The following SLC10A1 variants were observed in gnomAD, a reference collection of about 807,000 sequenced individuals.
SLC10A1 encodes solute carrier family 10 member 1, also known as hepatic sodium/bile acid cotransporter.
Under a neutral mutation model 20.5 loss-of-function variants are expected in SLC10A1, and 36 were observed. The ratio of observed to expected loss-of-function variants is 1.75; its 90% CI spans 1.34 to 2.32. The LOEUF is 2.32. Among genes scored for constraint, SLC10A1 ranks in the 30% most tolerant of loss-of-function variants. SLC10A1 has a pLI of 0.00. For missense variants in SLC10A1, 545 were observed against 439.1 expected, an observed-to-expected ratio of 1.24 and a Z score of -2.16; for synonymous variants, 188 against 163.6, an observed-to-expected ratio of 1.15 and a Z score of -1.14.
intron 1 of SLC10A1, among the ~76,000 whole-genome samples, chr14:69,795,111 C>G (rs1252941674): frequency 6.6e-6 from 1 of 152,238 alleles, no homozygotes; most frequent in African/African-American, 2.4e-5. Flanking sequence ...ATTCTTGGGA[C>G]ACACAGGCTG....
At chr14:69,784,751 G>T (rs544432171) in intron 2 of SLC10A1, among the ~76,000 whole-genome samples, 1 of 144,118 alleles carries the variant, frequency 6.9e-6, no homozygotes, top group Non-Finnish European at 1.5e-5. Flanking sequence ...CTGGGCCAGG[G>T]GCATAATCAA....
chr14:69,786,352 A>C, intron 1 of SLC10A1, 45 bp from the exon 2 acceptor site: 1 of 1,529,540 alleles, frequency 6.5e-7, no homozygotes, highest in Non-Finnish European at 9.1e-7. Flanking sequence ...GAGCCCATAA[A>C]TACAGACTAT....
intron 2 of SLC10A1, among the ~76,000 whole-genome samples, chr14:69,782,071 T>C (rs1883605232): frequency 6.6e-6 from 1 of 152,196 alleles, no homozygotes; most frequent in Non-Finnish European, 1.5e-5. Flanking sequence ...CGAAGAGCCA[T>C]AGAAGCAAGG....
rs200122790 is a variant in SLC10A1 at position 69,797,094 on chromosome 14, C to G, written c.62G>C (p.Arg21Pro). 6.2e-7 allele frequency: 1 copy of G among 1,614,022 alleles called. No individual in the cohort carries two copies. Among genetic ancestry groups the G allele is most frequent in the South Asian group, 1.1e-5 (1 of 91,068 alleles). Residue 21 changes from arginine to proline, a missense_variant, in exon 1 of 5, where the codon CGC becomes CCC. Physicochemically the swap from Arg to Pro is moderately radical, Grantham distance 103. Transcript: ENST00000216540. ...NFTLPPNFGKRPTDLALSVIL... is the reference protein window; with the variant it reads ...NFTLPPNFGKPPTDLALSVIL... ...GACGCTCAGTGCCAGGTCTGTGGGG[C>G]GCTTGCCAAAGTTGGGTGGCAGGGT...
Position 69,779,181 on chromosome 14 carries a change from C to A in SLC10A1, c.746+1G>T, listed in dbSNP as rs201749991. On this transcript the variant is annotated splice_donor_variant, in intron 3 of 4. Transcript: ENST00000216540. LOFTEE classifies it high-confidence loss of function. ...TTCTTAAAAAAAAAAAAAATACCTA[C>A]CGTCCATTGAGGCAGAAGAGAGCAG... 3 of 1,580,286 alleles carry A rather than the reference C, an allele frequency of 1.9e-6. No individual in the cohort carries two copies. Among genetic ancestry groups the A allele is most frequent in the Non-Finnish European group, 8.6e-7 (1 of 1,167,110 alleles).
At chr14:69,782,682 C>G (rs947205805) in intron 2 of SLC10A1, among the ~76,000 whole-genome samples, 3 of 152,036 alleles carry the variant, frequency 2.0e-5, no homozygotes, top group Admixed American at 6.6e-5. Context: ...GTGGCGGGCG[C>G]CTGTAGTCCC....
intron 1 of SLC10A1, among the ~76,000 whole-genome samples, chr14:69,786,603 A>G (rs1037480860): frequency 6.6e-6 from 1 of 152,170 alleles, no homozygotes; most frequent in African/African-American, 2.4e-5. Context: ...GGAAGGAGCC[A>G]TTCTGATCTC....
chr14:69,793,307 CT>C (rs914931743), intron 1 of SLC10A1, among the ~76,000 whole-genome samples: 2 of 152,164 alleles, frequency 1.3e-5, no homozygotes, highest in Non-Finnish European at 2.9e-5. Flanking sequence ...GCATCCGTGA[CT>C]GTTGTGATCC....
At chr14:69,785,687 T>C in intron 2 of SLC10A1, among the ~76,000 whole-genome samples, 1 of 145,662 alleles carries the variant, frequency 6.9e-6, no homozygotes, top group East Asian at 2.2e-4. Flanking sequence ...ACCCCTGCCC[T>C]CCCTGGTTCA....
At chr14:69,789,258 A>G (rs1431302674) in intron 1 of SLC10A1, among the ~76,000 whole-genome samples, 3 of 152,260 alleles carry the variant, frequency 2.0e-5, no homozygotes, top group African/African-American at 7.2e-5. Flanking sequence ...CTTGCCTGTG[A>G]GCTTCCATAG....
rs562659565 is a variant in SLC10A1, at chr14:69,782,920, G to GT, written c.567+3176_567+3177insA. Reference sequence around the variant, plus strand: ...CATGTTCTCACATCAGTTGTCATTAGCACTATGACTTGGTATTCTGTTTCC... The same window carrying GT: ...CATGTTCTCACATCAGTTGTCATTAGTCACTATGACTTGGTATTCTGTTTCC... On this transcript the variant is annotated intron_variant, in intron 2 of 4. Transcript: ENST00000216540. Among the ~76,000 whole-genome samples, 205 of 152,104 alleles carry GT rather than the reference G, an allele frequency of 1.3e-3. 3 individuals are homozygous for GT. Among genetic ancestry groups the GT allele is most frequent in the African/African-American group, 4.5e-3 (186 of 41,482 alleles).
At chr14:69,793,038 A>G (rs1156722681) in intron 1 of SLC10A1, among the ~76,000 whole-genome samples, 2 of 152,178 alleles carry the variant, frequency 1.3e-5, no homozygotes, top group Non-Finnish European at 2.9e-5. Context: ...GAGATTGGGA[A>G]TAGGAATACA....
At chr14:69,779,798 T>TA (rs1362058860) in intron 2 of SLC10A1, among the ~76,000 whole-genome samples, 6 of 152,014 alleles carry the variant, frequency 3.9e-5, no homozygotes, top group African/African-American at 1.5e-4. Context: ...AGTGAAGTGT[T>TA]ACGTGAGGCT....
rs1445054304 is a variant in SLC10A1 at position 69,775,889 on chromosome 14, T to C, written c.*393A>G. ...AGCACTTGTGAGCATTTATTTCTCT[T>C]TTGGGTCACAAAACTTGGAATGGGA... is the stretch of plus-strand genomic sequence containing the variant. On this transcript the variant is annotated 3_prime_UTR_variant, in exon 5 of 5. Coordinates refer to ENST00000216540, the MANE Select transcript of SLC10A1 (RefSeq NM_003049.4). The C allele has an allele frequency of 6.3e-6, 1 of 159,922 alleles. No individual in the cohort carries two copies. The highest frequency in any genetic ancestry group is 1.8e-4 in the East Asian group (1 of 5,430). The allele number at this position is 159,922 out of a possible 1,614,324, so 9.9% of individuals were successfully genotyped here. A position where few individuals can be genotyped will look rare whatever the true frequency, so the allele number is the denominator to read the frequency against.
At chr14:69,788,728 A>G (rs1422429870) in intron 1 of SLC10A1, among the ~76,000 whole-genome samples, 1 of 151,894 alleles carries the variant, frequency 6.6e-6, no homozygotes, top group African/African-American at 2.4e-5. Context: ...TTGTATTTTT[A>G]GTAGAGATGG....
chr14:69,776,749 A>G (rs543224651), intron 4 of SLC10A1, among the ~76,000 whole-genome samples: 6 of 152,348 alleles, frequency 3.9e-5, no homozygotes, highest in African/African-American at 1.4e-4. Flanking sequence ...AAGTCTAACC[A>G]AGAGAGTTTC....
chr14:69,778,881 C>T (rs988059438), intron 3 of SLC10A1, among the ~76,000 whole-genome samples: 1 of 152,186 alleles, frequency 6.6e-6, no homozygotes, highest in African/African-American at 2.4e-5. Flanking sequence ...TAATACCTAT[C>T]TCCAGGCATG....
At chr14:69,781,281 G>C (rs1486436513) in intron 2 of SLC10A1, among the ~76,000 whole-genome samples, 2 of 152,220 alleles carry the variant, frequency 1.3e-5, no homozygotes, top group African/African-American at 2.4e-5. Flanking sequence ...GCTGAGACAA[G>C]TGGCCCCGGG....
chr14:69,789,914 G>GTTT (rs61078487), intron 1 of SLC10A1, among the ~76,000 whole-genome samples: 4,707 of 142,824 alleles, frequency 0.033, 225 homozygotes, highest in African/African-American at 0.11. Flanking sequence ...CAAAAATAGG[G>GTTT]TTTTTTTTTT....
Sources: allele counts gnomAD v4.1 joint callset (sites outside exome capture counted in the v4.1 genomes callset), GRCh38; gene constraint gnomAD v4.1.1; transcripts MANE v1.5; gene names NCBI Gene and HGNC (gene_info 2026-07-23, HGNC 2026-07-21).